The following FAM184A variants were observed in gnomAD, a reference collection of about 807,000 sequenced individuals.
The protein encoded by FAM184A is protein FAM184A.
Under a neutral mutation model 143.8 loss-of-function variants are expected in FAM184A, and 99 were observed. That is an observed-to-expected ratio of 0.69 (90% CI 0.58 to 0.81). FAM184A has a LOEUF of 0.81. Among genes scored for constraint, FAM184A ranks in the 40% least tolerant of loss-of-function variants. The pLI is 0.00. For missense variants in FAM184A, 1,217 were observed against 1,310.5 expected, an observed-to-expected ratio of 0.93 and a Z score of 1.10; for synonymous variants, 427 against 446.4, an observed-to-expected ratio of 0.96 and a Z score of 0.55.
intron 1 of FAM184A, among the ~76,000 whole-genome samples, chr6:119,114,624 C>T (rs7770161): frequency 0.42 from 64,146 of 152,064 alleles, 15,650 homozygotes; most frequent in South Asian, 0.59. Flanking sequence ...TCACTGCAAC[C>T]GCCACCTCCT....
At chr6:119,073,127 T>C (rs1323642463) in intron 1 of FAM184A, among the ~76,000 whole-genome samples, 3 of 152,220 alleles carry the variant, frequency 2.0e-5, no homozygotes, top group South Asian at 2.1e-4. Context: ...CATTATTAAG[T>C]ATCAAGTAAG....
At chr6:118,979,563 G>GA (rs1783955649) in intron 10 of FAM184A, 45 bp from the exon 11 acceptor site, 1 of 1,433,824 alleles carries the variant, frequency 7.0e-7, no homozygotes, top group Non-Finnish European at 9.4e-7. Context: ...ATATAGGAAG[G>GA]AAAATGCAAA....
At chr6:119,130,408 T>C (rs953122277) in intron 1 of FAM184A, among the ~76,000 whole-genome samples, 6 of 152,212 alleles carry the variant, frequency 3.9e-5, no homozygotes, top group African/African-American at 4.8e-5. Context: ...GATGTTTCCA[T>C]AGTATCAAAT....
intron 3 of FAM184A, 84 bp downstream of exon 3, chr6:119,022,861 A>G: frequency 6.4e-7 from 1 of 1,553,194 alleles, no homozygotes; most frequent in African/African-American, 1.4e-5. Flanking sequence ...TGGGCGACAG[A>G]GCAAGACTCT....
At chr6:119,068,258 G>C (rs1787540855) in intron 1 of FAM184A, among the ~76,000 whole-genome samples, 1 of 151,984 alleles carries the variant, frequency 6.6e-6, no homozygotes, top group African/African-American at 2.4e-5. Flanking sequence ...TGTTGGCCAG[G>C]CTGGTCTCGA....
At position 118,979,380 on chromosome 6, in the gene FAM184A, C is replaced by A. The variant is rs1783950340; in HGVS notation, c.2440G>T (p.Gly814Ter). The change falls in exon 11 of 18, where the codon GGA becomes TGA. Residue 814 changes from glycine (G) to a stop codon, truncating the protein, a stop_gained. Transcript: ENST00000338891. LOFTEE classifies it high-confidence loss of function. Reference protein sequence around the residue: ...QTLRFELEDEGKAMLASLRSE... With the variant: ...QTLRFELEDE ...TTCAAAATACCAAGCATAGCCTTTC[C>A]TTCATCTTCTAATTCAAACCGAAGA... The A allele has an allele frequency of 6.2e-7, 1 of 1,610,034 alleles. No individual in the cohort carries two copies. The highest frequency in any genetic ancestry group is 1.3e-5 in the African/African-American group (1 of 74,648).
chr6:119,009,388 G>A (rs568789740), intron 6 of FAM184A, among the ~76,000 whole-genome samples: 1 of 152,240 alleles, frequency 6.6e-6, no homozygotes, highest in Non-Finnish European at 1.5e-5. Context: ...GATAGTGAAT[G>A]AGTCTCATGA....
chr6:119,101,470 A>G (rs995209668), intron 1 of FAM184A, among the ~76,000 whole-genome samples: 3 of 152,154 alleles, frequency 2.0e-5, no homozygotes, highest in East Asian at 1.9e-4. Flanking sequence ...AGTGACCAAG[A>G]TAAGTTAAAT....
chr6:119,119,008 G>C (rs1789137112), intron 1 of FAM184A, among the ~76,000 whole-genome samples: 2 of 152,092 alleles, frequency 1.3e-5, no homozygotes, highest in South Asian at 4.2e-4. Context: ...CCTCTGAAAC[G>C]GCCCCCTTGG....
At chr6:119,147,449 C>T (rs1049196855) in intron 1 of FAM184A, among the ~76,000 whole-genome samples, 2 of 152,152 alleles carry the variant, frequency 1.3e-5, no homozygotes, top group Non-Finnish European at 2.9e-5. Flanking sequence ...CCAACCCCCA[C>T]CACCTCTTGC....
At chr6:119,001,922 A>C (rs978903515) in intron 9 of FAM184A, among the ~76,000 whole-genome samples, 1 of 152,100 alleles carries the variant, frequency 6.6e-6, no homozygotes, top group Non-Finnish European at 1.5e-5. Context: ...ATTCTAGTAA[A>C]AGTTGTTCCC....
At chr6:119,014,885 C>T (rs545833549) in intron 5 of FAM184A, among the ~76,000 whole-genome samples, 1 of 152,016 alleles carries the variant, frequency 6.6e-6, no homozygotes, top group South Asian at 2.1e-4. Context: ...ATGGTGAAAC[C>T]CTGTCTGTAC....
At chr6:118,994,815 A>C (rs1368308375) in intron 9 of FAM184A, among the ~76,000 whole-genome samples, 1 of 152,206 alleles carries the variant, frequency 6.6e-6, no homozygotes, top group African/African-American at 2.4e-5. Context: ...GACACCCAGA[A>C]GACTAATTAT....
At chr6:119,093,313 T>C (rs1455586694) in intron 1 of FAM184A, among the ~76,000 whole-genome samples, 3 of 152,168 alleles carry the variant, frequency 2.0e-5, no homozygotes, top group African/African-American at 7.2e-5. Context: ...CTCTACATTG[T>C]TATCATGTCC....
At position 119,003,069 on chromosome 6, in the gene FAM184A, T is replaced by C; in HGVS notation, c.1938-20A>G. 6.3e-7 allele frequency: 1 copy of C among 1,580,504 alleles called. No homozygotes were observed. Among genetic ancestry groups the C allele is most frequent in the Non-Finnish European group, 8.6e-7 (1 of 1,168,058 alleles). On this transcript the variant is annotated intron_variant, in intron 8 of 17. Coordinates refer to ENST00000338891, the MANE Select transcript of FAM184A (RefSeq NM_024581.6). ...TCTTGTCTAAAATAAAACAACTGCA[T>C]TTACTTTGTAAAGAGAATTATTCCT... is the stretch of plus-strand genomic sequence containing the variant.
At chr6:119,046,387 G>C (rs1285990100) in intron 1 of FAM184A, among the ~76,000 whole-genome samples, 1 of 151,908 alleles carries the variant, frequency 6.6e-6, no homozygotes, top group East Asian at 1.9e-4. Flanking sequence ...ACCACACCCA[G>C]CTAAGGTTTG....
chr6:118,979,016 A>G lies in FAM184A; in HGVS notation c.2455+349T>C, dbSNP rs1005810410. On this transcript the variant is annotated intron_variant, in intron 11 of 17. Coordinates refer to ENST00000338891, the MANE Select transcript of FAM184A (RefSeq NM_024581.6). The stretch of plus-strand genomic sequence containing the variant: ...ACAAAATCTTGAAGTGTAAAAAACC[A>G]TATGACCATGCAGTCTAAGGACATG... Among the ~76,000 whole-genome samples the G allele has an allele frequency of 7.9e-5, 12 of 152,302 alleles. No homozygotes were observed. In the South Asian group the frequency reaches 2.3e-3, roughly 29 times the overall value.
At chr6:119,019,159 G>A (rs757478662) in intron 4 of FAM184A, among the ~76,000 whole-genome samples, 42 of 152,298 alleles carry the variant, frequency 2.8e-4, no homozygotes, top group Middle Eastern at 3.4e-3. Flanking sequence ...AATGGTAAGG[G>A]AACAGATGGA....
At chr6:119,142,283 C>G (rs576255443) in intron 1 of FAM184A, among the ~76,000 whole-genome samples, 17 of 152,224 alleles carry the variant, frequency 1.1e-4, no homozygotes, top group African/African-American at 3.6e-4. Context: ...GTAATGACCT[C>G]GAAGCCCTGA....
Sources: gnomAD v4.1 joint callset for allele counts (sites outside exome capture counted in the v4.1 genomes callset) on GRCh38, gnomAD v4.1.1 for gene constraint, MANE v1.5 for transcripts, NCBI Gene and HGNC (gene_info 2026-07-23, HGNC 2026-07-21) for gene names.